The following NBEAL1 variants were observed in gnomAD, a reference collection of about 807,000 sequenced individuals.
The protein encoded by NBEAL1 is neurobeachin like 1.
NBEAL1 carries 273 observed loss-of-function variants against 351.3 expected under a neutral mutation model. That is an observed-to-expected ratio of 0.78 (90% CI 0.70 to 0.86). The LOEUF (loss-of-function observed/expected upper bound fraction) is 0.86. NBEAL1 is among the 40% of genes least tolerant of loss of function. The pLI, the probability that NBEAL1 is intolerant of heterozygous loss-of-function variation, is 0.00. For synonymous variants in NBEAL1, 1,050 were observed against 1,086.4 expected (o/e 0.97, Z 0.66); for missense variants, 2,961 against 3,201.3 (o/e 0.92, Z 1.81).
At chr2:203,215,085 C>T (rs1406328890) in intron 55 of NBEAL1, among the ~76,000 whole-genome samples, 2 of 151,896 alleles carry the variant, frequency 1.3e-5, no homozygotes, top group Non-Finnish European at 2.9e-5. Context: ...AGGCCTGGTG[C>T]GGTGGCTCAC....
Position 203,132,140 on chromosome 2 carries a change from TA to T in NBEAL1, c.3724+10del. 1 of 1,426,226 alleles carries T rather than the reference TA, an allele frequency of 7.0e-7. No individual in the cohort carries two copies. Among genetic ancestry groups the T allele is most frequent in the Non-Finnish European group, 9.5e-7 (1 of 1,056,452 alleles). 88.3% of individuals were successfully genotyped at this position (1,426,226 alleles called of 1,614,324 possible). ...ATCAAATCATAAATACAGGTATGAA[TA>T]AGGCTAATAAAGCTAACATATTTAA... On this transcript the variant is annotated intron_variant, in intron 26 of 55. Coordinates refer to ENST00000683969, the MANE Select transcript of NBEAL1 (RefSeq NM_001378026.1).
At chr2:203,066,070 A>G (rs1458049887) in intron 6 of NBEAL1, among the ~76,000 whole-genome samples, 2 of 152,362 alleles carry the variant, frequency 1.3e-5, no homozygotes, top group Admixed American at 1.3e-4. Context: ...AGCATATTAA[A>G]TTCTTACCAC....
Position 203,016,169 on chromosome 2 carries a change from C to T in NBEAL1, c.-216C>T, listed in dbSNP as rs2060677856. 2.7e-6 allele frequency: 1 copy of T among 367,566 alleles called. No homozygotes were observed. The allele number at this position is 367,566 out of a possible 1,614,324, so 22.8% of individuals were successfully genotyped here. On this transcript the variant is annotated 5_prime_UTR_variant, in exon 2 of 56. Transcript: ENST00000683969. The stretch of plus-strand genomic sequence containing the variant: ...TCTCTTTCACAGATTTATTTAATTG[C>T]CCAACTACCACTGATGAAGATATAT...
chr2:203,099,426 C>T (rs2062258960), intron 11 of NBEAL1, among the ~76,000 whole-genome samples: 1 of 151,952 alleles, frequency 6.6e-6, no homozygotes, highest in East Asian at 1.9e-4. Flanking sequence ...TTGCCTTATC[C>T]TCCTTGACAT....
chr2:203,200,633 G>A (rs993550231), intron 49 of NBEAL1, among the ~76,000 whole-genome samples: 1 of 152,160 alleles, frequency 6.6e-6, no homozygotes, highest in Admixed American at 6.5e-5. Context: ...GACAGAGGTT[G>A]CAGTGAGCCG....
chr2:203,223,305 G>A lies in NBEAL1; in HGVS notation c.*5951G>A, dbSNP rs1033634237. On this transcript the variant is annotated 3_prime_UTR_variant, in exon 56 of 56. Coordinates refer to ENST00000683969, the MANE Select transcript of NBEAL1 (RefSeq NM_001378026.1). ...ACTAATTCAATATTTGTTTTTCATG[G>A]TACGGTTTTCATGTTTCCTTGGAAA... Among the ~76,000 whole-genome samples the A allele has an allele frequency of 3.9e-5, 6 of 152,104 alleles. No individual in the cohort carries two copies. The highest frequency in any genetic ancestry group is 7.4e-5 in the Non-Finnish European group (5 of 67,940).
intron 47 of NBEAL1, among the ~76,000 whole-genome samples, chr2:203,196,668 C>T (rs1320944881): frequency 1.3e-5 from 2 of 152,092 alleles, no homozygotes; most frequent in Non-Finnish European, 2.9e-5. Context: ...TAGAACAACA[C>T]CTGATACATA....
In NBEAL1 at chr2:203,190,222, T is replaced by C. The variant is rs1032593323; in HGVS notation, c.6824-70T>C. The C allele has an allele frequency of 4.5e-6, 4 of 882,120 alleles. No homozygotes were observed. The African/African-American group carries it at 6.9e-5, about 15-fold the overall frequency. The allele number at this position is 882,120 out of a possible 1,614,324, so 54.6% of individuals were successfully genotyped here. ...CACACACACACACCAATGAGCCTGA[T>C]ACATTAATCAGTGATGTGGCTTGCT... is the stretch of plus-strand genomic sequence containing the variant. On this transcript the variant is annotated intron_variant, in intron 45 of 55. Coordinates refer to ENST00000683969, the MANE Select transcript of NBEAL1 (RefSeq NM_001378026.1).
Position 203,083,408 on chromosome 2 carries a change from A to G in NBEAL1, c.874A>G (p.Ser292Gly), listed in dbSNP as rs372502812. The change falls in exon 9 of 56, where the codon AGT (serine) becomes GGT (glycine). Residue 292 changes from serine to glycine, a missense_variant. Coordinates refer to ENST00000683969, the MANE Select transcript of NBEAL1 (RefSeq NM_001378026.1). ...SNSDQRQVET[S>G]TILENYFKLL... ...CTCTGATCAGCGTCAAGTGGAAACC[A>G]GTACTATTCTGGAGAACTATTTTAA... 104 of 1,554,972 alleles carry G rather than the reference A, an allele frequency of 6.7e-5. No individual in the cohort carries two copies. The highest frequency in any genetic ancestry group is 8.5e-5 in the Non-Finnish European group (98 of 1,147,868).
chr2:203,136,138 C>T lies in NBEAL1; in HGVS notation c.4275C>T (p.Ser1425=). Residue 1425 remains serine (S), a synonymous_variant, in exon 28 of 56, where the codon AGC becomes AGT. Transcript: ENST00000683969. ...GTCAAGTGCCAGACAGTCTGCCTAG[C>T]ACACCATCCCCAGTAGAGTCTACTA... ...SGSQVPDSLP[S]TPSPVESTKS... 1 of 1,614,148 alleles carries T rather than the reference C, an allele frequency of 6.2e-7. No homozygotes were observed. The highest frequency in any genetic ancestry group is 8.5e-7 in the Non-Finnish European group (1 of 1,179,994).
In NBEAL1 at chr2:203,076,190, A is replaced by G. The variant is rs371467734; in HGVS notation, c.599-1562A>G. 3.3e-5 allele frequency among the ~76,000 whole-genome samples: 5 copies of G among 152,292 alleles called. No homozygotes were observed. The East Asian group carries it at 9.7e-4, about 29-fold the overall frequency. On this transcript the variant is annotated intron_variant, in intron 7 of 55. Transcript: ENST00000683969. ...TAGGCAGGTGTATCTGTTAAGATGTAGTAATGTCCAGGCTTGACGCAGTGG... is the reference window on the plus strand; with the variant it reads ...TAGGCAGGTGTATCTGTTAAGATGTGGTAATGTCCAGGCTTGACGCAGTGG...
At chr2:203,049,200 T>C (rs2061282648) in intron 3 of NBEAL1, among the ~76,000 whole-genome samples, 1 of 152,074 alleles carries the variant, frequency 6.6e-6, no homozygotes, top group Admixed American at 6.6e-5. Context: ...CTTCATTTGG[T>C]AAAATGATAC....
intron 33 of NBEAL1, among the ~76,000 whole-genome samples, chr2:203,146,957 G>A (rs2063528688): frequency 1.3e-5 from 2 of 152,036 alleles, no homozygotes; most frequent in African/African-American, 2.4e-5. Flanking sequence ...TGCAGAAAAA[G>A]CACTTGAAAA....
chr2:203,140,685 AT>A (rs764249612), intron 31 of NBEAL1, among the ~76,000 whole-genome samples: 14 of 151,674 alleles, frequency 9.2e-5, no homozygotes, highest in Non-Finnish European at 1.3e-4. Flanking sequence ...CTTAAAAAAA[AT>A]GATTATACTC....
Position 203,107,626 on chromosome 2 carries a change from A to G in NBEAL1, c.1387A>G (p.Thr463Ala). The G allele has an allele frequency of 1.3e-6, 2 of 1,551,950 alleles. No individual in the cohort carries two copies. The highest frequency in any genetic ancestry group is 2.4e-5 in the East Asian group (1 of 40,982). Residue 463 changes from threonine (T) to alanine (A), a missense_variant, in exon 14 of 56, where the codon ACT (threonine) becomes GCT (alanine). Transcript: ENST00000683969. ...TTTTCAGGCTGTAGAGGGTGACCAC[A>G]CTTCAGTTGGGATTTTGGGCATTAG... Reference protein sequence around the residue: ...LMNMAVEGDHTSVGILGISNV... With the variant: ...LMNMAVEGDHASVGILGISNV...
chr2:203,139,557 C>CTTTTTTTTTTTTTTTTTTTT (rs370861737), intron 31 of NBEAL1, among the ~76,000 whole-genome samples: 1 of 67,666 alleles, frequency 1.5e-5, no homozygotes, highest in Admixed American at 1.9e-4. Context: ...CCACCCCCAC[C>CTTTTTTTTTTTTTTTTTTTT]TTTTTTTTTT....
chr2:203,083,786 A>C (rs926884081), intron 9 of NBEAL1, among the ~76,000 whole-genome samples: 2 of 152,206 alleles, frequency 1.3e-5, no homozygotes, highest in Non-Finnish European at 2.9e-5. Context: ...TGTGAAAAAG[A>C]AAGTTAGCTA....
chr2:203,157,885 A>C, intron 36 of NBEAL1, 60 bp downstream of exon 36: 1 of 1,335,646 alleles, frequency 7.5e-7, no homozygotes, highest in Non-Finnish European at 9.9e-7. Context: ...AATCGTGGAA[A>C]AGATTTGCTT....
At chr2:203,107,009 G>A (rs2062454380) in intron 12 of NBEAL1, among the ~76,000 whole-genome samples, 1 of 151,974 alleles carries the variant, frequency 6.6e-6, no homozygotes, top group Non-Finnish European at 1.5e-5. Flanking sequence ...TCTTTAATTG[G>A]GTCTTTTTAG....
Sources: allele counts gnomAD v4.1 joint callset (sites outside exome capture counted in the v4.1 genomes callset), GRCh38; gene constraint gnomAD v4.1.1; transcripts MANE v1.5; gene names NCBI Gene and HGNC (gene_info 2026-07-23, HGNC 2026-07-21).